Variants in NEK2 observed in about 807,000 individuals in gnomAD.
NEK2 encodes the protein serine/threonine-protein kinase Nek2.
Under a neutral mutation model 54.1 loss-of-function variants are expected in NEK2, and 28 were observed. That is an observed-to-expected ratio of 0.52 (90% confidence interval 0.38 to 0.71). The LOEUF (loss-of-function observed/expected upper bound fraction) is 0.71. Among genes scored for constraint, NEK2 ranks in the 30% least tolerant of loss-of-function variants. The pLI, the probability that NEK2 is intolerant of heterozygous loss-of-function variation, is 0.00. For missense variants in NEK2, 407 were observed against 531.5 expected, an observed-to-expected ratio of 0.77 and a Z score of 2.30; for synonymous variants, 176 against 193.1, an observed-to-expected ratio of 0.91 and a Z score of 0.73.
intron 6 of NEK2, 25 bp downstream of exon 6, chr1:211,669,088 T>A (rs1424853619): frequency 1.9e-6 from 3 of 1,601,912 alleles, no homozygotes; most frequent in Non-Finnish European, 1.7e-6. Flanking sequence ...AGTTCTCCTT[T>A]GCTTTGACCC....
chr1:211,665,542 G>A (rs1437685224), intron 7 of NEK2, among the ~76,000 whole-genome samples: 1 of 152,128 alleles, frequency 6.6e-6, no homozygotes, highest in African/African-American at 2.4e-5. Context: ...TGGGTTTGAT[G>A]CATGAAATTC....
chr1:211,675,330 C>G (rs942408656), intron 1 of NEK2, 54 bp downstream of exon 1: 5 of 1,547,416 alleles, frequency 3.2e-6, no homozygotes, highest in Non-Finnish European at 4.5e-6. Flanking sequence ...GGGCGCTCGC[C>G]CCGAGGCGAC....
In NEK2 at chr1:211,670,405, G is replaced by A; in HGVS notation, c.641C>T (p.Pro214Leu). The A allele has an allele frequency of 6.2e-7, 1 of 1,602,538 alleles. No individual in the cohort carries two copies. Among genetic ancestry groups the A allele is most frequent in the Non-Finnish European group, 8.5e-7 (1 of 1,176,816 alleles). The change falls in exon 5 of 8, where the codon CCT becomes CTT. Residue 214 changes from proline to leucine, a missense_variant and splice_region_variant. By Grantham distance (98) the Pro-to-Leu change is moderately conservative. Transcript: ENST00000366999. ...CLLYELCALM[P>L]PFTAFSQKEL... is the part of the protein sequence containing the mutation. ...TTTCTGGCTAAAAGCTGTAAATGGA[G>A]GCCTAGGGTTAAAAAAGAAGAAGAA...
downstream of NEK2, chr1:211,660,902 A>G: frequency 2.7e-6 from 2 of 736,056 alleles, no homozygotes; most frequent in Admixed American, 3.5e-5. Flanking sequence ...TTCTGATACC[A>G]GCAGATCTGT....
At chr1:211,659,977 C>A (rs1417061984), downstream of NEK2, among the ~76,000 whole-genome samples, 2 of 152,084 alleles carry the variant, frequency 1.3e-5, no homozygotes, top group East Asian at 1.9e-4. Context: ...ACACGCCACA[C>A]CTGGCTAACT....
chr1:211,675,096 GA>G (rs1655536671), intron 1 of NEK2, among the ~76,000 whole-genome samples: 1 of 152,168 alleles, frequency 6.6e-6, no homozygotes, highest in Non-Finnish European at 1.5e-5. Context: ...AACAGCTCAG[GA>G]ATTAGTTACC....
downstream of NEK2, chr1:211,661,088 T>G (rs1655007446): frequency 1.3e-6 from 1 of 743,680 alleles, no homozygotes; most frequent in Admixed American, 1.8e-5. Flanking sequence ...ATAACTTGCC[T>G]CCGATGGCAT....
downstream of NEK2, chr1:211,658,754 G>GA (rs146064437): frequency 0.014 from 2,378 of 164,670 alleles, 27 homozygotes; most frequent in Non-Finnish European, 0.021. Flanking sequence ...AAAAAGGAAA[G>GA]AAAAAAAAAG....
At position 211,673,690 on chromosome 1, in the gene NEK2, C is replaced by T; in HGVS notation, c.348G>A (p.Val116=). 3 of 1,614,166 alleles carry T rather than the reference C, an allele frequency of 1.9e-6. No individual in the cohort carries two copies. The highest frequency in any genetic ancestry group is 2.5e-6 in the Non-Finnish European group (3 of 1,180,020). Reference sequence around the variant, plus strand: ...TCAGGGCCAGAGTCAACTGAGTCATCACTCGAAGAACAAACTCTTCATCTA... The same window carrying T: ...TCAGGGCCAGAGTCAACTGAGTCATTACTCGAAGAACAAACTCTTCATCTA... ...QYLDEEFVLR[V]MTQLTLALKE... is the part of the protein sequence containing the mutation. The change falls in exon 3 of 8, where the codon GTG becomes GTA. Residue 116 remains valine, a synonymous_variant. Transcript: ENST00000366999.
chr1:211,659,140 A>G (rs1028829211), downstream of NEK2, among the ~76,000 whole-genome samples: 1 of 152,184 alleles, frequency 6.6e-6, no homozygotes, highest in South Asian at 2.1e-4. Flanking sequence ...AGTATCAGAA[A>G]TGATTTGAAG....
chr1:211,659,678 G>A (rs73075319), downstream of NEK2, among the ~76,000 whole-genome samples: 1,908 of 152,236 alleles, frequency 0.013, 46 homozygotes, highest in African/African-American at 0.043. Context: ...CTTTGCTGAC[G>A]TCTTCAGGCA....
At position 211,675,484 on chromosome 1, in the gene NEK2, G is replaced by A. The variant is rs1288483873; in HGVS notation, c.-5C>T. On this transcript the variant is annotated 5_prime_UTR_variant, in exon 1 of 8. Transcript: ENST00000366999. ...GTCCTCAGCCCGGGAAGGCATGGCCGGCCAGTCGCCAGAGTCGCGCTGCCT... is the reference window on the plus strand; with the variant it reads ...GTCCTCAGCCCGGGAAGGCATGGCCAGCCAGTCGCCAGAGTCGCGCTGCCT... The A allele has an allele frequency of 1.1e-5, 18 of 1,611,982 alleles. No individual in the cohort carries two copies. Among genetic ancestry groups the A allele is most frequent in the East Asian group, 2.2e-5 (1 of 44,876 alleles).
intron 6 of NEK2, among the ~76,000 whole-genome samples, chr1:211,668,243 A>G (rs1655239926): frequency 6.6e-6 from 1 of 152,214 alleles, no homozygotes; most frequent in Non-Finnish European, 1.5e-5. Context: ...GTGAGTCATG[A>G]GGGTGACAGG....
chr1:211,664,785 A>G (rs35573429), intron 7 of NEK2, among the ~76,000 whole-genome samples: 20,692 of 152,170 alleles, frequency 0.14, 1,717 homozygotes, highest in African/African-American at 0.22. Flanking sequence ...ATACCTTTAC[A>G]TTTGTAAGTC....
intron 5 of NEK2, among the ~76,000 whole-genome samples, chr1:211,669,852 G>GC (rs11381514): frequency 0.76 from 115,281 of 152,004 alleles, 44,393 homozygotes; most frequent in East Asian, 1. Context: ...TTTTCCCTCT[G>GC]TTTTTAGCTG....
chr1:211,668,401 A>G (rs1483910637), intron 6 of NEK2, among the ~76,000 whole-genome samples: 1 of 152,202 alleles, frequency 6.6e-6, no homozygotes, highest in Non-Finnish European at 1.5e-5. Flanking sequence ...ATTAGCATCT[A>G]ATCAGTTAAT....
downstream of NEK2, chr1:211,658,840 G>T (rs1571635318): frequency 4.0e-6 from 1 of 252,690 alleles, no homozygotes; most frequent in East Asian, 1.3e-4. Context: ...TATGCCTTTG[G>T]TCATCTGAAA....
In NEK2 at chr1:211,671,202, A is replaced by T; in HGVS notation, c.638T>A (p.Met213Lys). ...GCLLYELCAL[M>K]PPFTAFSQKE... ...AGGAATCTGTCTTCATCATACTTAC[A>T]TTAATGCACATAACTCATACAGCAA... The change falls in exon 4 of 8, where the codon ATG (methionine) becomes AAG (lysine). Residue 213 changes from methionine to lysine, a missense_variant and splice_region_variant. Coordinates refer to ENST00000366999, the MANE Select transcript of NEK2 (RefSeq NM_002497.4). The T allele has an allele frequency of 6.2e-7, 1 of 1,607,674 alleles. No homozygotes were observed. The highest frequency in any genetic ancestry group is 2.2e-5 in the East Asian group (1 of 44,802).
chr1:211,667,318 T>C (rs1210437293), intron 6 of NEK2, 87 bp from the exon 7 acceptor site: 19 of 1,269,802 alleles, frequency 1.5e-5, no homozygotes. Context: ...TTATCACTAC[T>C]AGCATGCCTG....
Sources: allele counts gnomAD v4.1 joint callset (sites outside exome capture counted in the v4.1 genomes callset), GRCh38; gene constraint gnomAD v4.1.1; transcripts MANE v1.5; gene names NCBI Gene and HGNC (gene_info 2026-07-23, HGNC 2026-07-21).